Variants in UPF3A observed in about 807,000 individuals in gnomAD.
The protein encoded by UPF3A is regulator of nonsense transcripts 3A.
UPF3A carries 42 observed loss-of-function variants against 53.5 expected under a neutral mutation model. That is an observed-to-expected ratio of 0.78 (90% CI 0.61 to 1.01). UPF3A has a LOEUF of 1.01. Among genes scored for constraint, UPF3A ranks in the 50% least tolerant of loss-of-function variants. The pLI is 0.00. For missense variants in UPF3A, 575 were observed against 598.0 expected (o/e 0.96, Z 0.40); for synonymous variants, 237 against 225.3 (o/e 1.05, Z -0.47).
intron 7 of UPF3A, among the ~76,000 whole-genome samples, chr13:114,292,413 G>T (rs2085388332): frequency 6.9e-6 from 1 of 145,596 alleles, no homozygotes; most frequent in Non-Finnish European, 1.5e-5. Flanking sequence ...ACACGTGCAG[G>T]TGTGCCACAT....
At chr13:114,291,361 A>G (rs899678324) in intron 5 of UPF3A, 128 bp from the exon 6 acceptor site, 13 of 898,570 alleles carry the variant, frequency 1.4e-5, no homozygotes, top group Admixed American at 6.8e-5. Flanking sequence ...TCCCCTGGAG[A>G]CAGTGTGTAA....
chr13:114,285,256 G>A (rs1301349789), intron 3 of UPF3A: 1 of 151,892 alleles, frequency 6.6e-6, no homozygotes, highest in African/African-American at 2.4e-5. Context: ...TATTACAAAG[G>A]TTTATTTCTG....
chr13:114,284,299 T>G (rs1594753551), intron 3 of UPF3A, among the ~76,000 whole-genome samples: 1 of 151,490 alleles, frequency 6.6e-6, no homozygotes, highest in Non-Finnish European at 1.5e-5. Flanking sequence ...GAGGCGGAGG[T>G]TGCAGTGAGC....
At chr13:114,302,474 AC>A (rs2086685382) in intron 9 of UPF3A, among the ~76,000 whole-genome samples, 3 of 151,238 alleles carry the variant, frequency 2.0e-5, no homozygotes, top group Admixed American at 2.0e-4. Flanking sequence ...CAAGCAAACA[AC>A]TTTTTTTTTT....
chr13:114,281,847 G>A lies in UPF3A; in HGVS notation c.207+1G>A, dbSNP rs1234818764. On this transcript the variant is annotated splice_donor_variant, in intron 1 of 9. Transcript: ENST00000375299. LOFTEE classifies it high-confidence loss of function. ...GGAGAAGAGGACGGCCCTGAGCAAG[G>A]TGGGGACGGGGGCGGGGCGCGCAAA... The A allele has an allele frequency of 6.5e-7, 1 of 1,532,526 alleles. No individual in the cohort carries two copies. Among genetic ancestry groups the A allele is most frequent in the Non-Finnish European group, 8.8e-7 (1 of 1,138,180 alleles). 94.9% of individuals were successfully genotyped at this position (1,532,526 alleles called of 1,614,324 possible).
Position 114,298,941 on chromosome 13 carries a change from C to G in UPF3A, c.948C>G (p.Ala316=). ...GAGGTGGCAAGCAGGAATCCTGTGC[C>G]CCCGGTGCAGTCGTAAAAGCCAGGC... The part of the protein sequence containing the change: ...DTGGGKQESC[A]PGAVVKARPM... Residue 316 remains alanine, a synonymous_variant, in exon 8 of 10, where the codon GCC becomes GCG. Coordinates refer to ENST00000375299, the MANE Select transcript of UPF3A (RefSeq NM_023011.4). The G allele has an allele frequency of 1.2e-6, 2 of 1,610,704 alleles. No homozygotes were observed. Among genetic ancestry groups the G allele is most frequent in the Non-Finnish European group, 1.7e-6 (2 of 1,178,658 alleles).
intron 3 of UPF3A, chr13:114,284,940 G>C (rs1196351813): frequency 1.1e-4 from 17 of 152,250 alleles, no homozygotes; most frequent in Admixed American, 1.1e-3. Flanking sequence ...GGCGTGAGCC[G>C]CTGCCCTGCC....
chr13:114,291,205 ATG>A (rs2085240931), intron 5 of UPF3A, among the ~76,000 whole-genome samples: 1 of 152,242 alleles, frequency 6.6e-6, no homozygotes, highest in South Asian at 2.1e-4. Context: ...AAATAAATAT[ATG>A]TTATTTAATG....
intron 7 of UPF3A, among the ~76,000 whole-genome samples, chr13:114,294,961 A>G (rs573866009): frequency 6.6e-6 from 1 of 151,008 alleles, no homozygotes; most frequent in South Asian, 2.1e-4. Context: ...AAATACAAAA[A>G]ATTAGCTGGG....
intron 9 of UPF3A, 64 bp downstream of exon 9, chr13:114,302,089 C>T: frequency 1.4e-6 from 2 of 1,395,840 alleles, no homozygotes; most frequent in Non-Finnish European, 1.9e-6. Context: ...TGCATGCTGA[C>T]CATGTCACCC....
intron 5 of UPF3A, among the ~76,000 whole-genome samples, chr13:114,290,358 C>T (rs2085151015): frequency 6.6e-6 from 1 of 152,192 alleles, no homozygotes; most frequent in African/African-American, 2.4e-5. Flanking sequence ...TCCTATGATT[C>T]CTGATTCATT....
At chr13:114,282,408 C>T (rs2084180625) in intron 2 of UPF3A, 6 of 1,202,608 alleles carry the variant, frequency 5.0e-6, no homozygotes, top group Non-Finnish European at 6.2e-6. Context: ...GCCCGCCCGG[C>T]GCCTCCCGGG....
intron 9 of UPF3A, among the ~76,000 whole-genome samples, chr13:114,302,475 C>CTTT (rs369189119): frequency 6.7e-6 from 1 of 150,242 alleles, no homozygotes; most frequent in African/African-American, 2.4e-5. Context: ...AAGCAAACAA[C>CTTT]TTTTTTTTTT....
chr13:114,295,443 T>TCTCCAGCGGCTCTGGCG (rs1555373286), intron 7 of UPF3A, among the ~76,000 whole-genome samples: 8 of 45,072 alleles, frequency 1.8e-4, no homozygotes, highest in Non-Finnish European at 2.2e-4. Flanking sequence ...GGCCTGCTGG[T>TCTCCAGCGGCTCTGGCG]TTCTCATGAA....
chr13:114,293,889 G>C (rs2085558625), intron 7 of UPF3A, among the ~76,000 whole-genome samples: 1 of 152,098 alleles, frequency 6.6e-6, no homozygotes, highest in Non-Finnish European at 1.5e-5. Context: ...TGGGAGACCA[G>C]GGCAGGTGGA....
intron 5 of UPF3A, chr13:114,287,762 TA>T (rs879511259): frequency 3.9e-5 from 6 of 152,166 alleles, no homozygotes; most frequent in East Asian, 3.8e-4. Flanking sequence ...ATTGAATTAA[TA>T]AAAAAAGATT....
At chr13:114,286,152 A>T (rs2139168193) in intron 3 of UPF3A, 150 bp from the exon 4 acceptor site, 1 of 1,022,448 alleles carries the variant, frequency 9.8e-7, no homozygotes, top group African/African-American at 1.6e-5. Flanking sequence ...CTTTTTTTTA[A>T]TCTCTTACTG....
chr13:114,304,568 G>A (rs1172911171), intron 9 of UPF3A, among the ~76,000 whole-genome samples: 1 of 152,136 alleles, frequency 6.6e-6, no homozygotes, highest in Admixed American at 6.5e-5. Flanking sequence ...TCTTGTTTGA[G>A]CAATAACATT....
intron 7 of UPF3A, among the ~76,000 whole-genome samples, chr13:114,295,957 G>A (rs1202733297): frequency 6.6e-6 from 1 of 152,182 alleles, no homozygotes; most frequent in Admixed American, 6.5e-5. Context: ...GAAAGCCAAG[G>A]CAGGACTAGA....
Sources: gnomAD v4.1 joint callset for allele counts (sites outside exome capture counted in the v4.1 genomes callset) on GRCh38, gnomAD v4.1.1 for gene constraint, MANE v1.5 for transcripts, NCBI Gene and HGNC (gene_info 2026-07-23, HGNC 2026-07-21) for gene names.